FAM107B: variants seen among roughly 807,000 people sequenced by gnomAD.
FAM107B encodes the protein protein FAM107B.
In FAM107B, 21 loss-of-function variants were observed where a neutral mutation model predicts 31.5. The observed-to-expected ratio is 0.67, with a 90% CI of 0.47 to 0.96. FAM107B has a LOEUF of 0.96. FAM107B is among the 40% of genes least tolerant of loss of function. The pLI is 0.00. For missense variants in FAM107B, 452 were observed against 377.1 expected, an observed-to-expected ratio of 1.20 and a Z score of -1.64; for synonymous variants, 157 against 141.5, an observed-to-expected ratio of 1.11 and a Z score of -0.78.
intron 1 of FAM107B, among the ~76,000 whole-genome samples, chr10:14,750,109 G>C (rs1204713769): frequency 6.6e-6 from 1 of 152,188 alleles, no homozygotes; most frequent in Non-Finnish European, 1.5e-5. Flanking sequence ...TGGAGGCAAA[G>C]CCAGGATGAA....
At chr10:14,669,020 A>G (rs374749805) in intron 1 of FAM107B, among the ~76,000 whole-genome samples, 1 of 152,134 alleles carries the variant, frequency 6.6e-6, no homozygotes, top group African/African-American at 2.4e-5. Flanking sequence ...AGTTCTTGGT[A>G]ATATCTCACC....
intron 2 of FAM107B, 67 bp from the exon 3 acceptor site, chr10:14,530,582 GC>G (rs1374057051): frequency 6.8e-7 from 1 of 1,463,862 alleles, no homozygotes. Flanking sequence ...ACATGCAGAG[GC>G]CCACAGAGCT....
chr10:14,663,168 C>T (rs993782410), intron 2 of FAM107B, among the ~76,000 whole-genome samples: 4 of 152,238 alleles, frequency 2.6e-5, no homozygotes, highest in South Asian at 2.1e-4. Flanking sequence ...GCTGCACTGT[C>T]GGCTTCCCTA....
chr10:14,739,414 G>C (rs1856384268), intron 1 of FAM107B, among the ~76,000 whole-genome samples: 1 of 152,210 alleles, frequency 6.6e-6, no homozygotes. Context: ...AGACTCCACA[G>C]TTGTAGGTGG....
chr10:14,531,483 C>T (rs1458169033), intron 2 of FAM107B, among the ~76,000 whole-genome samples: 10 of 149,920 alleles, frequency 6.7e-5, no homozygotes, highest in East Asian at 2.0e-4. Context: ...ATTGCACCAC[C>T]GCACTCCAGC....
intron 1 of FAM107B, among the ~76,000 whole-genome samples, chr10:14,698,707 G>A (rs1855325607): frequency 6.6e-6 from 1 of 152,178 alleles, no homozygotes; most frequent in South Asian, 2.1e-4. Context: ...CTGTATCCCT[G>A]CTGACTCAGG....
intron 1 of FAM107B, among the ~76,000 whole-genome samples, chr10:14,707,567 C>T (rs915723452): frequency 6.6e-6 from 1 of 152,198 alleles, no homozygotes; most frequent in Non-Finnish European, 1.5e-5. Flanking sequence ...TTTGTGATCA[C>T]TGTGGGCATT....
chr10:14,547,239 G>A (rs1008948152), intron 2 of FAM107B, among the ~76,000 whole-genome samples: 1 of 152,186 alleles, frequency 6.6e-6, no homozygotes, highest in African/African-American at 2.4e-5. Context: ...ATTCGACACT[G>A]TTGTCTGAAG....
At chr10:14,583,684 C>A (rs954340883) in intron 2 of FAM107B, among the ~76,000 whole-genome samples, 7 of 151,980 alleles carry the variant, frequency 4.6e-5, no homozygotes, top group Non-Finnish European at 1.0e-4. Context: ...CTGGGCACGT[C>A]CTTGCCAACA....
At chr10:14,728,414 TAA>T (rs1223626060) in intron 1 of FAM107B, among the ~76,000 whole-genome samples, 1 of 151,182 alleles carries the variant, frequency 6.6e-6, no homozygotes, top group Admixed American at 6.6e-5. Context: ...AGTGAGAAAA[TAA>T]AGACAGAAGA....
intron 2 of FAM107B, among the ~76,000 whole-genome samples, chr10:14,622,501 T>C (rs1369191966): frequency 6.6e-6 from 1 of 152,098 alleles, no homozygotes; most frequent in Non-Finnish European, 1.5e-5. Flanking sequence ...GAGACGGGGT[T>C]TCACTATGTT....
intron 1 of FAM107B, chr10:14,723,532 C>T (rs562735498): frequency 2.7e-5 from 17 of 631,314 alleles, no homozygotes; most frequent in Non-Finnish European, 5.9e-6. Flanking sequence ...CAGCATACAC[C>T]ACATCAAACC....
At chr10:14,628,112 G>GGTTTTTTTTGTTTTT (rs1440347763) in intron 2 of FAM107B, among the ~76,000 whole-genome samples, 1 of 92,676 alleles carries the variant, frequency 1.1e-5, no homozygotes, top group East Asian at 4.4e-4. Flanking sequence ...TGTTTTGCTG[G>GGTTTTTTTTGTTTTT]TTTTTTTTTT....
intron 1 of FAM107B, among the ~76,000 whole-genome samples, chr10:14,685,698 T>A (rs1210145731): frequency 6.6e-6 from 1 of 152,132 alleles, no homozygotes; most frequent in Non-Finnish European, 1.5e-5. Context: ...TATGAACACA[T>A]ACTTGGAGCG....
intron 2 of FAM107B, among the ~76,000 whole-genome samples, chr10:14,590,467 C>T (rs1309118078): frequency 6.6e-6 from 1 of 152,188 alleles, no homozygotes; most frequent in African/African-American, 2.4e-5. Context: ...AATATATTTC[C>T]ATTCTGGTAG....
chr10:14,599,597 G>A (rs866160029), intron 2 of FAM107B, among the ~76,000 whole-genome samples: 1 of 152,150 alleles, frequency 6.6e-6, no homozygotes, highest in South Asian at 2.1e-4. Flanking sequence ...GAGCCCAGGA[G>A]TTCAAGATCA....
intron 1 of FAM107B, among the ~76,000 whole-genome samples, chr10:14,694,337 G>T (rs902409860): frequency 2.6e-5 from 4 of 152,106 alleles, no homozygotes; most frequent in Admixed American, 6.5e-5. Flanking sequence ...CCCTTCCACA[G>T]TACATAAGGG....
intron 1 of FAM107B, among the ~76,000 whole-genome samples, chr10:14,759,797 CA>C (rs746409060): frequency 5.7e-4 from 86 of 151,932 alleles, no homozygotes; most frequent in Non-Finnish European, 4.4e-4. Flanking sequence ...CTGCAACCTC[CA>C]CCTCCCGGAC....
chr10:14,765,267 T>C lies in FAM107B; in HGVS notation c.411+8986A>G, dbSNP rs149183906. 5.8e-3 allele frequency among the ~76,000 whole-genome samples: 880 copies of C among 152,348 alleles called. 10 individuals are homozygous for C. Among genetic ancestry groups the C allele is most frequent in the African/African-American group, 0.019 (787 of 41,578 alleles). On this transcript the variant is annotated intron_variant, in intron 1 of 4. Transcript: ENST00000181796. Reference sequence around the variant, plus strand: ...TGTCTTAGCTTGGAATATAAGTCGATGCCTTTCATCTCTGAATTGTCTGAA... The same window carrying C: ...TGTCTTAGCTTGGAATATAAGTCGACGCCTTTCATCTCTGAATTGTCTGAA...
Sources: gnomAD v4.1 joint callset for allele counts (sites outside exome capture counted in the v4.1 genomes callset) on GRCh38, gnomAD v4.1.1 for gene constraint, MANE v1.5 for transcripts, NCBI Gene and HGNC (gene_info 2026-07-23, HGNC 2026-07-21) for gene names.